The following ASTN2 variants were observed in gnomAD, a reference collection of about 807,000 sequenced individuals.
ASTN2 encodes astrotactin-2.
A neutral mutation model predicts 139.8 loss-of-function variants in ASTN2; 54 were observed. That is an observed-to-expected ratio of 0.39 (90% CI 0.31 to 0.48). The LOEUF (loss-of-function observed/expected upper bound fraction) is 0.48. ASTN2 is among the 20% of genes least tolerant of loss of function. ASTN2 has a pLI of 0.95. For missense variants in ASTN2, 1,565 were observed against 1,725.1 expected, an observed-to-expected ratio of 0.91 and a Z score of 1.64; for synonymous variants, 756 against 719.5, an observed-to-expected ratio of 1.05 and a Z score of -0.81.
chr9:116,480,770 CA>C (rs1849142169), intron 20 of ASTN2, among the ~76,000 whole-genome samples: 1 of 152,090 alleles, frequency 6.6e-6, no homozygotes, highest in South Asian at 2.1e-4. Flanking sequence ...ACAGTAGAGG[CA>C]AAGACCTTGA....
At chr9:116,777,851 T>C (rs1281218240) in intron 13 of ASTN2, among the ~76,000 whole-genome samples, 1 of 96,478 alleles carries the variant, frequency 1.0e-5, no homozygotes, top group Non-Finnish European at 2.0e-5. Flanking sequence ...TTTTGTTTTT[T>C]GTTTTGTTTT....
chr9:117,098,778 TA>T (rs34559407), intron 4 of ASTN2, among the ~76,000 whole-genome samples: 30,065 of 141,826 alleles, frequency 0.21, 3,114 homozygotes, highest in Non-Finnish European at 0.22. Context: ...ATTTTACTGT[TA>T]AAAAAAAAAA....
At chr9:116,529,002 T>C (rs1305179220) in intron 19 of ASTN2, among the ~76,000 whole-genome samples, 1 of 152,142 alleles carries the variant, frequency 6.6e-6, no homozygotes, top group Admixed American at 6.5e-5. Context: ...ACTAAGGCAA[T>C]GCAGAGGGGA....
chr9:117,222,111 C>T (rs1215906598), intron 2 of ASTN2, among the ~76,000 whole-genome samples: 2 of 152,264 alleles, frequency 1.3e-5, no homozygotes, highest in East Asian at 1.9e-4. Flanking sequence ...ATCTTCCAGG[C>T]TTTATTCCTC....
intron 16 of ASTN2, among the ~76,000 whole-genome samples, chr9:116,717,001 C>T (rs1045349444): frequency 2.6e-5 from 4 of 152,322 alleles, no homozygotes; most frequent in Admixed American, 6.5e-5. Flanking sequence ...ACACCAACTC[C>T]GTGATTAATC....
chr9:116,610,347 A>G (rs1855472165), intron 19 of ASTN2, among the ~76,000 whole-genome samples: 1 of 152,296 alleles, frequency 6.6e-6, no homozygotes, highest in Middle Eastern at 3.4e-3. Flanking sequence ...GCTCACACCT[A>G]TAATCCCAGC....
intron 2 of ASTN2, among the ~76,000 whole-genome samples, chr9:117,256,849 C>T (rs1022358967): frequency 2.0e-5 from 3 of 152,022 alleles, no homozygotes; most frequent in Non-Finnish European, 4.4e-5. Flanking sequence ...AGAGGACCCA[C>T]TATTTTCTAT....
Position 117,224,133 on chromosome 9 carries a change from G to A in ASTN2, c.631-9391C>T, listed in dbSNP as rs80053832. Among the ~76,000 whole-genome samples, 1,307 of 152,200 alleles carry A rather than the reference G, an allele frequency of 8.6e-3. 24 individuals carry two copies. Among genetic ancestry groups the A allele is most frequent in the African/African-American group, 0.03 (1,226 of 41,534 alleles). ...CTAAGGAATGCTTGGAGACACCAGC[G>A]TTTTCCCGTAAGTTAGACAGACATA... On this transcript the variant is annotated intron_variant, in intron 2 of 22. Transcript: ENST00000313400.
At chr9:117,129,404 T>G (rs1299422077) in intron 4 of ASTN2, among the ~76,000 whole-genome samples, 1 of 152,122 alleles carries the variant, frequency 6.6e-6, no homozygotes, top group Non-Finnish European at 1.5e-5. Flanking sequence ...CCCTAAATGT[T>G]GCAGAGTCAT....
At chr9:116,795,911 A>G (rs1830676667) in intron 13 of ASTN2, among the ~76,000 whole-genome samples, 1 of 152,192 alleles carries the variant, frequency 6.6e-6, no homozygotes, top group Non-Finnish European at 1.5e-5. Context: ...TGAAGTTAAG[A>G]AATTTATCCA....
intron 1 of ASTN2, among the ~76,000 whole-genome samples, chr9:117,320,217 C>T (rs1470510243): frequency 3.9e-5 from 6 of 152,118 alleles, no homozygotes; most frequent in African/African-American, 1.4e-4. Flanking sequence ...ATACAGATCT[C>T]AAGGCCCACA....
chr9:116,737,166 C>G (rs1285122631), intron 13 of ASTN2, among the ~76,000 whole-genome samples: 1 of 152,240 alleles, frequency 6.6e-6, no homozygotes, highest in Non-Finnish European at 1.5e-5. Flanking sequence ...ACGGCATGGT[C>G]TCTCGGGTAC....
intron 6 of ASTN2, among the ~76,000 whole-genome samples, chr9:117,011,805 A>G (rs530472395): frequency 6.6e-6 from 1 of 152,338 alleles, no homozygotes; most frequent in African/African-American, 2.4e-5. Flanking sequence ...GTAAGTGGCC[A>G]AAGTGGAACT....
intron 1 of ASTN2, among the ~76,000 whole-genome samples, chr9:117,346,655 C>A (rs939126395): frequency 3.3e-5 from 5 of 152,052 alleles, no homozygotes; most frequent in African/African-American, 1.2e-4. Flanking sequence ...ATAACTGTAC[C>A]ATCATATGTG....
intron 19 of ASTN2, among the ~76,000 whole-genome samples, chr9:116,522,391 A>G (rs1850913602): frequency 6.6e-6 from 1 of 152,166 alleles, no homozygotes; most frequent in South Asian, 2.1e-4. Context: ...GGAGACTATT[A>G]TTCTAGGTGA....
rs535702184 is a variant in ASTN2 at position 116,833,590 on chromosome 9, C to T, written c.2041-12807G>A. On this transcript the variant is annotated intron_variant, in intron 11 of 22. Transcript: ENST00000313400. ...AGAAAAGGATGAATCATGACTTCAG[C>T]TGTGTCCCCCACACAACTTGATACA... Among the ~76,000 whole-genome samples the T allele has an allele frequency of 7.2e-5, 11 of 152,278 alleles. No individual in the cohort carries two copies. The East Asian group carries it at 1.9e-3, about 27-fold the overall frequency.
In ASTN2 at chr9:116,425,595, A is replaced by C; in HGVS notation, c.*256T>G. 6.2e-7 allele frequency: 1 copy of C among 1,613,518 alleles called. No homozygotes were observed. Among genetic ancestry groups the C allele is most frequent in the Non-Finnish European group, 8.5e-7 (1 of 1,179,880 alleles). On this transcript the variant is annotated 3_prime_UTR_variant, in exon 23 of 23. Coordinates refer to ENST00000313400, the MANE Select transcript of ASTN2 (RefSeq NM_001365068.1). ...AGCCATCCATAAGAAAAGGTTTAAA[A>C]AGGAGAGACTTTTGATAGAGTCAAA...
At chr9:117,315,415 G>A (rs10115059) in intron 1 of ASTN2, among the ~76,000 whole-genome samples, 13,734 of 152,164 alleles carry the variant, frequency 0.09, 1,611 homozygotes, top group African/African-American at 0.27. Flanking sequence ...TCTCCCAGCC[G>A]CCAACCATGT....
At position 116,730,027 on chromosome 9, in the gene ASTN2, C is replaced by A. The variant is rs578103448; in HGVS notation, c.2522-931G>T. 3.8e-3 allele frequency among the ~76,000 whole-genome samples: 581 copies of A among 152,258 alleles called. 3 individuals are homozygous for A. Among genetic ancestry groups the A allele is most frequent in the Non-Finnish European group, 4.5e-3 (308 of 67,998 alleles). On this transcript the variant is annotated intron_variant, in intron 14 of 22. Transcript: ENST00000313400. ...TTTGGGCGGTGGTAAATGAAAAATT[C>A]TTGTTTTCTGACTTATATTCACATC...
Sources: gnomAD v4.1 joint callset for allele counts (sites outside exome capture counted in the v4.1 genomes callset) on GRCh38, gnomAD v4.1.1 for gene constraint, MANE v1.5 for transcripts, NCBI Gene and HGNC (gene_info 2026-07-23, HGNC 2026-07-21) for gene names.